The following PRIM2 variants were observed in gnomAD, a reference collection of about 807,000 sequenced individuals.
PRIM2 encodes the protein DNA primase large subunit.
In PRIM2, 39 loss-of-function variants were observed where a neutral mutation model predicts 67.3. The ratio of observed to expected loss-of-function variants is 0.58; its 90% CI spans 0.45 to 0.76. The LOEUF is 0.76. Ranked by LOEUF, PRIM2 falls within the 30% of genes least tolerant of loss-of-function variation. PRIM2 has a pLI of 0.00. For synonymous variants in PRIM2, 143 were observed against 198.7 expected (o/e 0.72, Z 2.36); for missense variants, 398 against 598.7 (o/e 0.66, Z 3.50).
chr6:57,353,398 A>G, intron 5 of PRIM2, among the ~76,000 whole-genome samples: 1 of 152,200 alleles, frequency 6.6e-6, no homozygotes, highest in Non-Finnish European at 1.5e-5. Context: ...TGTGTTTAGA[A>G]AGGATAACTT....
chr6:57,640,097 A>G (rs1260477247), intron 13 of PRIM2, among the ~76,000 whole-genome samples: 38 of 152,332 alleles, frequency 2.5e-4, no homozygotes, highest in African/African-American at 8.4e-4. Context: ...AAATCAATAA[A>G]CATAATCCAG....
At chr6:57,446,690 A>T (rs1581912872) in intron 7 of PRIM2, among the ~76,000 whole-genome samples, 1 of 151,986 alleles carries the variant, frequency 6.6e-6, no homozygotes, top group Non-Finnish European at 1.5e-5. Flanking sequence ...GAGCCCTTAA[A>T]CTTTAAATTT....
chr6:57,410,346 A>AAAAAG lies in PRIM2; in HGVS notation c.693+28181_693+28182insAGAAA, dbSNP rs1554335406. ...AACGCCATCTCAAAAAAAAAAAAAA[A>AAAAAG]AAAGAAAGAAAGAAAGAAAAGAAAA... On this transcript the variant is annotated intron_variant, in intron 7 of 13. Coordinates refer to ENST00000615550, the MANE Select transcript of PRIM2 (RefSeq NM_000947.5). Among the ~76,000 whole-genome samples the AAAAAG allele has an allele frequency of 4.8e-3, 709 of 148,154 alleles. 7 individuals are homozygous for AAAAAG. The highest frequency in any genetic ancestry group is 0.017 in the African/African-American group (679 of 39,476).
At chr6:57,476,462 G>T (rs1451678261) in intron 7 of PRIM2, among the ~76,000 whole-genome samples, 1 of 152,160 alleles carries the variant, frequency 6.6e-6, no homozygotes, top group Non-Finnish European at 1.5e-5. Context: ...TTCCACAAGA[G>T]AAATTCACTT....
chr6:57,605,254 C>T (rs1254061523), intron 11 of PRIM2, among the ~76,000 whole-genome samples: 4 of 152,204 alleles, frequency 2.6e-5, no homozygotes, highest in African/African-American at 2.4e-5. Flanking sequence ...GTGTCTCGGC[C>T]GGAGTTTGGT....
intron 7 of PRIM2, among the ~76,000 whole-genome samples, chr6:57,385,228 T>A (rs2127342165): frequency 6.6e-6 from 1 of 152,316 alleles, no homozygotes; most frequent in Non-Finnish European, 1.5e-5. Flanking sequence ...CAACTGCACC[T>A]AAGCTTTCTA....
chr6:57,280,499 A>G, the PRIM2 span, among the ~76,000 whole-genome samples: 1 of 152,002 alleles, frequency 6.6e-6, no homozygotes, highest in East Asian at 1.9e-4. Context: ...CAGGATGTTA[A>G]CCAAGTACTT....
chr6:57,509,582 G>A (rs1278584789), intron 8 of PRIM2, among the ~76,000 whole-genome samples: 3 of 151,888 alleles, frequency 2.0e-5, no homozygotes, highest in Non-Finnish European at 4.4e-5. Context: ...TCTTAGCCTG[G>A]CATAAGAGGT....
intron 7 of PRIM2, among the ~76,000 whole-genome samples, chr6:57,461,681 G>T (rs1466672611): frequency 2.0e-5 from 3 of 151,882 alleles, no homozygotes; most frequent in Admixed American, 6.6e-5. Flanking sequence ...CTCCAGAAAG[G>T]GTTTTTATAT....
chr6:57,239,250 C>G, the PRIM2 span, among the ~76,000 whole-genome samples: 3 of 152,164 alleles, frequency 2.0e-5, no homozygotes, highest in Non-Finnish European at 4.4e-5. Context: ...CTTGGCCTCC[C>G]AAAGTGCTAG....
At chr6:57,558,405 G>A (rs1164024465) in intron 10 of PRIM2, among the ~76,000 whole-genome samples, 1 of 152,108 alleles carries the variant, frequency 6.6e-6, no homozygotes, top group Non-Finnish European at 1.5e-5. Flanking sequence ...GTAAGATTTG[G>A]ACATACAGAA....
the PRIM2 span, among the ~76,000 whole-genome samples, chr6:57,233,272 A>G: frequency 6.6e-6 from 1 of 152,174 alleles, no homozygotes; most frequent in Admixed American, 6.5e-5. Flanking sequence ...CCATTCCTGA[A>G]AGTAAGAATT....
intron 7 of PRIM2, among the ~76,000 whole-genome samples, chr6:57,479,274 T>C (rs1189539900): frequency 1.3e-5 from 2 of 152,252 alleles, no homozygotes; most frequent in African/African-American, 4.8e-5. Context: ...ATTCTGAGCA[T>C]TAACTGACTT....
intron 10 of PRIM2, among the ~76,000 whole-genome samples, chr6:57,566,131 T>G (rs1319862424): frequency 6.6e-6 from 1 of 151,822 alleles, no homozygotes; most frequent in Non-Finnish European, 1.5e-5. Flanking sequence ...TTTATTTGTT[T>G]GCTTTTTTTG....
At chr6:57,240,841 C>T in the PRIM2 span, among the ~76,000 whole-genome samples, 14 of 152,212 alleles carry the variant, frequency 9.2e-5, 1 homozygote, top group Admixed American at 5.9e-4. Context: ...GTAATCTCAA[C>T]ACTTTGGGAG....
At chr6:57,572,487 G>T (rs1775880707) in intron 10 of PRIM2, among the ~76,000 whole-genome samples, 1 of 152,122 alleles carries the variant, frequency 6.6e-6, no homozygotes. Context: ...CAGGTTTGTG[G>T]GATATGATGT....
chr6:57,223,035 G>A, the PRIM2 span, among the ~76,000 whole-genome samples: 1 of 152,254 alleles, frequency 6.6e-6, no homozygotes, highest in African/African-American at 2.4e-5. Context: ...ATTCCTTAAT[G>A]AGAATAACCC....
chr6:57,484,894 A>C (rs1773717899), intron 7 of PRIM2, among the ~76,000 whole-genome samples: 1 of 152,136 alleles, frequency 6.6e-6, no homozygotes, highest in African/African-American at 2.4e-5. Flanking sequence ...TATATCTGAC[A>C]GTCAATTTTG....
chr6:57,318,557 T>C lies in PRIM2; in HGVS notation c.112T>C (p.Ser38Pro), dbSNP rs759666690. ...FYLQPPSENISLIEFENLAID... is the reference protein window; with the variant it reads ...FYLQPPSENIPLIEFENLAID... ...CTTGCAGCCACCTTCTGAAAACATA[T>C]CTTTAATAGAATTTGAAAACTTGGC... Residue 38 changes from serine (S) to proline (P), a missense_variant, in exon 2 of 14, where the codon TCT becomes CCT. Transcript: ENST00000615550. The C allele has an allele frequency of 1.9e-6, 3 of 1,585,246 alleles. No individual in the cohort carries two copies. The highest frequency in any genetic ancestry group is 2.7e-5 in the African/African-American group (2 of 74,384).
Sources: allele counts gnomAD v4.1 joint callset (sites outside exome capture counted in the v4.1 genomes callset), GRCh38; gene constraint gnomAD v4.1.1; transcripts MANE v1.5; gene names NCBI Gene and HGNC (gene_info 2026-07-23, HGNC 2026-07-21).